PCDHGA8: variants seen among roughly 807,000 people sequenced by gnomAD.
The protein encoded by PCDHGA8 is protocadherin gamma-A8.
PCDHGA8 carries 45 observed loss-of-function variants against 59.2 expected under a neutral mutation model. The ratio of observed to expected loss-of-function variants is 0.76; its 90% CI spans 0.60 to 0.98. The LOEUF is 0.98. Ranked by LOEUF, PCDHGA8 falls within the 50% of genes least tolerant of loss-of-function variation. The pLI is 0.00. For synonymous variants in PCDHGA8, 531 were observed against 519.0 expected (o/e 1.02, Z -0.32); for missense variants, 1,257 against 1,196.2 (o/e 1.05, Z -0.75).
At chr5:141,429,945 T>C (rs1443623730) in intron 1 of PCDHGA8, among the ~76,000 whole-genome samples, 1 of 152,222 alleles carries the variant, frequency 6.6e-6, no homozygotes, top group East Asian at 1.9e-4. Flanking sequence ...ACTTCCATTA[T>C]TTCCAGTCAA....
At position 141,394,076 on chromosome 5, in the gene PCDHGA8, A is replaced by C. The variant is rs1329419086; in HGVS notation, c.1263A>C (p.Thr421=). The C allele has an allele frequency of 6.2e-7, 1 of 1,613,896 alleles. No individual in the cohort carries two copies. Among genetic ancestry groups the C allele is most frequent in the Admixed American group, 1.7e-5 (1 of 59,986 alleles). Residue 421 remains threonine, a synonymous_variant, in exon 1 of 4, where the codon ACA becomes ACC. Transcript: ENST00000398604. ...AAAATGTCTCTATCTACAATATCAC[A>C]GTGATGGCCTCAGATCTAGGAACAC... The part of the protein sequence containing the change: ...DRENVSIYNI[T]VMASDLGTPP...
At chr5:141,414,134 A>T in intron 1 of PCDHGA8, 1 of 1,595,028 alleles carries the variant, frequency 6.3e-7, no homozygotes, top group South Asian at 1.1e-5. Flanking sequence ...GGTTTCTATG[A>T]AATAGAAATA....
At position 141,421,932 on chromosome 5, in the gene PCDHGA8, T is replaced by C. The variant is rs747598404; in HGVS notation, c.2424+26695T>C. On this transcript the variant is annotated intron_variant, in intron 1 of 3. Transcript: ENST00000398604. The stretch of plus-strand genomic sequence containing the variant: ...TTCCCATTCGTGTGGTGGTCCTCGA[T>C]GTAAATGATCACATCCCAATGTTTA... 3 of 1,613,588 alleles carry C rather than the reference T, an allele frequency of 1.9e-6. No individual in the cohort carries two copies. The East Asian group carries it at 6.7e-5, about 36-fold the overall frequency.
At chr5:141,396,767 G>C (rs900685366) in intron 1 of PCDHGA8, 1 of 152,220 alleles carries the variant, frequency 6.6e-6, no homozygotes, top group African/African-American at 2.4e-5. Context: ...ATAAATGTTT[G>C]TTATTAATGA....
rs149806642 is a variant in PCDHGA8 at position 141,502,449 on chromosome 5, A to T, written c.2484-2944A>T. 7.7e-3 allele frequency among the ~76,000 whole-genome samples: 1,166 copies of T among 151,886 alleles called. 15 individuals carry two copies. The highest frequency in any genetic ancestry group is 0.027 in the African/African-American group (1,103 of 41,308). On this transcript the variant is annotated intron_variant, in intron 2 of 3. Coordinates refer to ENST00000398604, the MANE Select transcript of PCDHGA8 (RefSeq NM_032088.2). The stretch of plus-strand genomic sequence containing the variant: ...TCTGATGGTTAGATTCAGATTACAC[A>T]CCTTGGTAGGAATACTTCCCGCAGC...
chr5:141,496,467 T>A (rs1334392771), intron 2 of PCDHGA8, among the ~76,000 whole-genome samples: 1 of 152,056 alleles, frequency 6.6e-6, no homozygotes, highest in Non-Finnish European at 1.5e-5. Context: ...GAGTTATCTT[T>A]CCCCCATCCT....
chr5:141,475,740 A>G (rs942793010), intron 1 of PCDHGA8, among the ~76,000 whole-genome samples: 4 of 152,280 alleles, frequency 2.6e-5, no homozygotes, highest in Non-Finnish European at 5.9e-5. Flanking sequence ...TCCCTAAGGT[A>G]GGTTTCCTAT....
chr5:141,408,077 G>A, intron 1 of PCDHGA8: 2 of 1,408,130 alleles, frequency 1.4e-6, no homozygotes, highest in South Asian at 3.0e-5. Context: ...ACCTTTCCCA[G>A]CACAGCGGAT....
chr5:141,443,436 T>A (rs1435598893), intron 1 of PCDHGA8, among the ~76,000 whole-genome samples: 1 of 152,132 alleles, frequency 6.6e-6, no homozygotes, highest in Admixed American at 6.6e-5. Context: ...CAGTGAGCTG[T>A]GGTTGCGCTC....
intron 2 of PCDHGA8, among the ~76,000 whole-genome samples, chr5:141,498,601 G>A (rs2099784606): frequency 6.6e-6 from 1 of 152,126 alleles, no homozygotes; most frequent in African/African-American, 2.4e-5. Flanking sequence ...CTTGGTTCAA[G>A]TTCAAGTCAG....
At chr5:141,508,642 T>A (rs893357826) in intron 3 of PCDHGA8, among the ~76,000 whole-genome samples, 13 of 152,070 alleles carry the variant, frequency 8.5e-5, no homozygotes, top group Admixed American at 2.6e-4. Flanking sequence ...AGCTACTCCG[T>A]CAGGCCCTTC....
At chr5:141,495,719 C>T (rs929450759) in intron 2 of PCDHGA8, among the ~76,000 whole-genome samples, 12 of 152,150 alleles carry the variant, frequency 7.9e-5, no homozygotes, top group African/African-American at 2.4e-5. Context: ...AGTAACTACA[C>T]GGGACCCTTA....
At chr5:141,421,025 A>C (rs1047305594) in intron 1 of PCDHGA8, 4 of 526,168 alleles carry the variant, frequency 7.6e-6, no homozygotes, top group African/African-American at 5.9e-5. Context: ...GCTGCGCGCC[A>C]TTGAGTCCCT....
At chr5:141,398,759 T>A (rs1313274991) in intron 1 of PCDHGA8, 2 of 1,613,904 alleles carry the variant, frequency 1.2e-6, no homozygotes, top group Non-Finnish European at 1.7e-6. Context: ...CATCGTTTAG[T>A]CCTGACTGCC....
chr5:141,440,959 G>A (rs1313315196), intron 1 of PCDHGA8: 1 of 152,216 alleles, frequency 6.6e-6, no homozygotes, highest in Non-Finnish European at 1.5e-5. Flanking sequence ...TCAAGGCAGA[G>A]ATCACATATG....
intron 1 of PCDHGA8, chr5:141,423,454 G>C (rs1323921797): frequency 1.9e-6 from 3 of 1,614,030 alleles, no homozygotes; most frequent in Non-Finnish European, 2.5e-6. Context: ...ACATTTTGTA[G>C]GCGTGGACGG....
chr5:141,492,007 C>A, intron 1 of PCDHGA8: 1 of 629,072 alleles, frequency 1.6e-6, no homozygotes, highest in Non-Finnish European at 2.6e-6. Flanking sequence ...GCGATTTCCG[C>A]GGGTGTCGGG....
chr5:141,399,944 A>C, intron 1 of PCDHGA8: 1 of 1,612,254 alleles, frequency 6.2e-7, no homozygotes, highest in Non-Finnish European at 8.5e-7. Context: ...CACGTGCTGC[A>C]GGCTAGCGAG....
At chr5:141,455,282 A>C (rs1307886349) in intron 1 of PCDHGA8, among the ~76,000 whole-genome samples, 1 of 152,056 alleles carries the variant, frequency 6.6e-6, no homozygotes, top group Non-Finnish European at 1.5e-5. Flanking sequence ...TATTAACATC[A>C]CTTTACATAG....
Sources: gnomAD v4.1 joint callset for allele counts (sites outside exome capture counted in the v4.1 genomes callset) on GRCh38, gnomAD v4.1.1 for gene constraint, MANE v1.5 for transcripts, NCBI Gene and HGNC (gene_info 2026-07-23, HGNC 2026-07-21) for gene names.